ACOXL: variants seen among roughly 807,000 people sequenced by gnomAD.
ACOXL encodes acyl-CoA oxidase like.
Under a neutral mutation model 71.9 loss-of-function variants are expected in ACOXL, and 70 were observed. That is an observed-to-expected ratio of 0.97 (90% CI 0.80 to 1.19). The LOEUF is 1.19. Among genes scored for constraint, ACOXL ranks in the 50% most tolerant of loss-of-function variants. The pLI is 0.00. For synonymous variants in ACOXL, 253 were observed against 281.6 expected, an observed-to-expected ratio of 0.90 and a Z score of 1.02; for missense variants, 703 against 736.3, an observed-to-expected ratio of 0.95 and a Z score of 0.52.
intron 5 of ACOXL, among the ~76,000 whole-genome samples, chr2:110,795,377 C>T (rs562579298): frequency 9.2e-5 from 14 of 152,298 alleles, no homozygotes; most frequent in Admixed American, 7.2e-4. Flanking sequence ...CTACCCTATA[C>T]TGACCACTCG....
intron 7 of ACOXL, among the ~76,000 whole-genome samples, chr2:110,800,031 A>G (rs2105321248): frequency 6.6e-6 from 1 of 152,328 alleles, no homozygotes; most frequent in South Asian, 2.1e-4. Flanking sequence ...TAGGACAGAA[A>G]CGGAACATGG....
chr2:111,037,414 A>G (rs888381729), intron 15 of ACOXL, among the ~76,000 whole-genome samples: 3 of 152,136 alleles, frequency 2.0e-5, no homozygotes, highest in Non-Finnish European at 4.4e-5. Context: ...GGGGGAAGAA[A>G]GGCAAAAGCA....
chr2:110,950,757 A>G (rs2061296577), intron 12 of ACOXL, among the ~76,000 whole-genome samples: 1 of 151,614 alleles, frequency 6.6e-6, no homozygotes. Flanking sequence ...ATCAATTATA[A>G]ACTTTCTCCA....
intron 10 of ACOXL, among the ~76,000 whole-genome samples, chr2:110,856,091 G>A (rs1219886819): frequency 6.6e-6 from 1 of 152,086 alleles, no homozygotes; most frequent in Admixed American, 6.6e-5. Context: ...GCACTGATTG[G>A]TGCATTTTAC....
intron 7 of ACOXL, among the ~76,000 whole-genome samples, chr2:110,800,373 C>T (rs1438394499): frequency 6.6e-6 from 1 of 152,202 alleles, no homozygotes; most frequent in African/African-American, 2.4e-5. Context: ...CTCCAAATTG[C>T]CCCATCTTAC....
intron 9 of ACOXL, among the ~76,000 whole-genome samples, chr2:110,833,468 G>T (rs1014567855): frequency 6.6e-6 from 1 of 152,184 alleles, no homozygotes; most frequent in Non-Finnish European, 1.5e-5. Context: ...CACCATGAGG[G>T]ATGCTTGCGG....
intron 14 of ACOXL, among the ~76,000 whole-genome samples, chr2:110,996,577 T>C (rs1382705089): frequency 1.3e-5 from 2 of 152,164 alleles, no homozygotes; most frequent in African/African-American, 2.4e-5. Flanking sequence ...GAATAGCCAA[T>C]GGAACCCCAG....
At chr2:110,786,115 GCCCTCCTTT>G (rs2105185268) in intron 3 of ACOXL, among the ~76,000 whole-genome samples, 1 of 152,264 alleles carries the variant, frequency 6.6e-6, no homozygotes, top group Admixed American at 6.5e-5. Flanking sequence ...CCTTCATGGG[GCCCTCCTTT>G]CCCTCCCTGG....
At chr2:111,010,151 A>G (rs573978417) in intron 14 of ACOXL, among the ~76,000 whole-genome samples, 161 of 152,326 alleles carry the variant, frequency 1.1e-3, no homozygotes, top group African/African-American at 3.8e-3. Flanking sequence ...AAATTCCCAG[A>G]TATTGAAATT....
chr2:110,851,532 G>A lies in ACOXL; in HGVS notation c.788+10127G>A, dbSNP rs144609313. Among the ~76,000 whole-genome samples, 11 of 152,342 alleles carry A rather than the reference G, an allele frequency of 7.2e-5. No homozygotes were observed. In the East Asian group the frequency reaches 1.7e-3, roughly 24 times the overall value. ...TTTAGCCCATTCCTCTTTCTAAGGC[G>A]TTCCACGACAACACAGGTGCAGTCA... is the stretch of plus-strand genomic sequence containing the variant. On this transcript the variant is annotated intron_variant, in intron 10 of 17. Transcript: ENST00000439055.
At chr2:110,740,052 T>C (rs1677322362) in intron 1 of ACOXL, among the ~76,000 whole-genome samples, 1 of 152,216 alleles carries the variant, frequency 6.6e-6, no homozygotes, top group African/African-American at 2.4e-5. Flanking sequence ...GTAACAATTG[T>C]ACCAAATTTA....
chr2:110,812,893 C>A (rs1687511243), intron 9 of ACOXL, among the ~76,000 whole-genome samples: 1 of 152,186 alleles, frequency 6.6e-6, no homozygotes, highest in African/African-American at 2.4e-5. Flanking sequence ...GTAGCTGAAA[C>A]ACTTGGTGCT....
At chr2:111,115,700 A>G (rs1443682363) in intron 17 of ACOXL, 3 of 152,238 alleles carry the variant, frequency 2.0e-5, no homozygotes, top group Non-Finnish European at 4.4e-5. Flanking sequence ...CAGTCTAGGA[A>G]AAATGGAGAA....
chr2:110,847,458 G>A (rs1366884458), intron 10 of ACOXL, among the ~76,000 whole-genome samples: 1 of 152,146 alleles, frequency 6.6e-6, no homozygotes, highest in Non-Finnish European at 1.5e-5. Context: ...TGAGAGCAGT[G>A]AACTAATTCC....
intron 15 of ACOXL, among the ~76,000 whole-genome samples, chr2:111,040,827 C>G (rs919836811): frequency 6.6e-6 from 1 of 152,010 alleles, no homozygotes; most frequent in Admixed American, 6.6e-5. Context: ...TTGGTGTGGT[C>G]GGGGTGTAGG....
chr2:110,920,254 T>G (rs545714673), intron 11 of ACOXL, among the ~76,000 whole-genome samples: 84 of 152,334 alleles, frequency 5.5e-4, no homozygotes, highest in African/African-American at 1.9e-3. Context: ...GTTTTGATTT[T>G]TATTTGTTTT....
chr2:110,861,364 C>G (rs573817136), intron 10 of ACOXL, among the ~76,000 whole-genome samples: 7 of 152,010 alleles, frequency 4.6e-5, no homozygotes, highest in South Asian at 4.2e-4. Context: ...ACAACCAGTA[C>G]TAAAAACCCA....
At chr2:111,071,812 G>A (rs2067356904) in intron 16 of ACOXL, among the ~76,000 whole-genome samples, 1 of 152,192 alleles carries the variant, frequency 6.6e-6, no homozygotes, top group African/African-American at 2.4e-5. Context: ...GTGGGCTTGA[G>A]CTCCTGGGAA....
rs1447774828 is a variant in ACOXL at position 111,073,571 on chromosome 2, ATATTTGTG to A, written c.1441-19291_1441-19284del. 2.0e-5 allele frequency among the ~76,000 whole-genome samples: 3 copies of A among 152,128 alleles called. No individual in the cohort carries two copies. In the East Asian group the frequency reaches 5.8e-4, roughly 29 times the overall value. On this transcript the variant is annotated intron_variant, in intron 16 of 17. Transcript: ENST00000439055. ...CATCTTTGTGAAAAAATATTTGGAC[ATATTTGTG>A]TAGAATTATTTCTGGATTTTTATAT...
Sources: allele counts gnomAD v4.1 joint callset (sites outside exome capture counted in the v4.1 genomes callset), GRCh38; gene constraint gnomAD v4.1.1; transcripts MANE v1.5; gene names NCBI Gene and HGNC (gene_info 2026-07-23, HGNC 2026-07-21).